Variants in ENOX1 observed in about 807,000 individuals in gnomAD.
The protein encoded by ENOX1 is candidate growth-related and time keeping constitutive hydroquinone (NADH) oxidase.
A neutral mutation model predicts 82.5 loss-of-function variants in ENOX1; 42 were observed. The ratio of observed to expected loss-of-function variants is 0.51; its 90% CI spans 0.40 to 0.66. The LOEUF (loss-of-function observed/expected upper bound fraction) is 0.66. ENOX1 is among the 30% of genes least tolerant of loss of function. The pLI is 0.00. For synonymous variants in ENOX1, 271 were observed against 282.2 expected (o/e 0.96, Z 0.40); for missense variants, 608 against 811.6 (o/e 0.75, Z 3.05).
chr13:43,454,396 C>A, intron 3 of ENOX1, among the ~76,000 whole-genome samples: 1 of 152,074 alleles, frequency 6.6e-6, no homozygotes, highest in Non-Finnish European at 1.5e-5. Context: ...GGAAAACTAG[C>A]ACTGTCCAGC....
intron 1 of ENOX1, among the ~76,000 whole-genome samples, chr13:43,690,159 G>C (rs2086279573): frequency 6.6e-6 from 1 of 151,080 alleles, no homozygotes; most frequent in South Asian, 2.1e-4. Flanking sequence ...TCTCTCTTTA[G>C]AATGTAAGGT....
At chr13:43,338,535 G>C (rs2048848755) in intron 9 of ENOX1, among the ~76,000 whole-genome samples, 1 of 152,008 alleles carries the variant, frequency 6.6e-6, no homozygotes, top group Non-Finnish European at 1.5e-5. Context: ...GCCCAGAAGG[G>C]AGGAGAAAGC....
At chr13:43,257,021 C>T (rs1033228768) in intron 14 of ENOX1, among the ~76,000 whole-genome samples, 1 of 152,112 alleles carries the variant, frequency 6.6e-6, no homozygotes, top group African/African-American at 2.4e-5. Flanking sequence ...GTGAATGAAA[C>T]TGGAGGTGAT....
chr13:43,388,577 G>A (rs1455932550), intron 5 of ENOX1, among the ~76,000 whole-genome samples: 1 of 152,188 alleles, frequency 6.6e-6, no homozygotes, highest in Non-Finnish European at 1.5e-5. Context: ...AACACCACCT[G>A]GGATGTGGAG....
intron 2 of ENOX1, among the ~76,000 whole-genome samples, chr13:43,617,656 G>C (rs562802908): frequency 5.3e-5 from 8 of 152,108 alleles, no homozygotes; most frequent in African/African-American, 1.7e-4. Context: ...CCACAATTTC[G>C]CAATTGTGAA....
intron 2 of ENOX1, among the ~76,000 whole-genome samples, chr13:43,523,722 C>T (rs4142314): frequency 0.1 from 15,583 of 152,072 alleles, 885 homozygotes; most frequent in East Asian, 0.26. Context: ...CTCTGAGGCC[C>T]CCTATGCTAG....
At chr13:43,605,627 C>T (rs9567231) in intron 2 of ENOX1, among the ~76,000 whole-genome samples, 20,066 of 152,136 alleles carry the variant, frequency 0.13, 1,848 homozygotes, top group East Asian at 0.47. Flanking sequence ...AACTAGACCC[C>T]TATTGCTCAT....
chr13:43,542,865 G>A (rs904142866), intron 2 of ENOX1, among the ~76,000 whole-genome samples: 11 of 152,122 alleles, frequency 7.2e-5, no homozygotes, highest in Admixed American at 1.3e-4. Flanking sequence ...GTGAGGGCTC[G>A]CTTCCTGGTT....
chr13:43,438,739 T>C (rs1204362533), intron 3 of ENOX1, among the ~76,000 whole-genome samples: 2 of 152,190 alleles, frequency 1.3e-5, no homozygotes, highest in Non-Finnish European at 2.9e-5. Flanking sequence ...TCAAATTGCC[T>C]GAGGAGACTT....
chr13:43,410,799 T>C (rs1396988473), intron 5 of ENOX1, among the ~76,000 whole-genome samples: 1 of 152,200 alleles, frequency 6.6e-6, no homozygotes, highest in Non-Finnish European at 1.5e-5. Context: ...GCGATTGGTT[T>C]CTATTTAATG....
intron 5 of ENOX1, among the ~76,000 whole-genome samples, chr13:43,406,811 G>A (rs1473877918): frequency 2.0e-5 from 3 of 151,988 alleles, no homozygotes; most frequent in Non-Finnish European, 2.9e-5. Flanking sequence ...TGTCTTTTTG[G>A]AACATGTGTT....
chr13:43,435,063 C>T (rs746239201), intron 3 of ENOX1, among the ~76,000 whole-genome samples: 7 of 150,614 alleles, frequency 4.6e-5, no homozygotes, highest in African/African-American at 1.5e-4. Context: ...ATACCCGGCA[C>T]GCAGAAGACG....
rs540282084 is a variant in ENOX1 at position 43,577,549 on chromosome 13, G to A, written c.-219+89930C>T. ...GAAGAACACTGTGTCCTCATGTGGC[G>A]GAAAAGACAAAAGGGCAAAAGAAAG... is the stretch of plus-strand genomic sequence containing the variant. On this transcript the variant is annotated intron_variant, in intron 2 of 16. Coordinates refer to ENST00000690772, the MANE Select transcript of ENOX1 (RefSeq NM_001347969.2). 4.5e-4 allele frequency among the ~76,000 whole-genome samples: 69 copies of A among 152,222 alleles called. 1 individual carries two copies. The Middle Eastern group carries it at 0.01, about 23-fold the overall frequency.
chr13:43,451,059 A>C (rs1319327871), intron 3 of ENOX1, among the ~76,000 whole-genome samples: 4 of 152,196 alleles, frequency 2.6e-5, no homozygotes, highest in Non-Finnish European at 4.4e-5. Flanking sequence ...TGCATTTCTC[A>C]TAAACTTCTT....
At chr13:43,738,515 T>C (rs9525833) in intron 1 of ENOX1, among the ~76,000 whole-genome samples, 14,165 of 152,158 alleles carry the variant, frequency 0.093, 1,087 homozygotes, top group African/African-American at 0.21. Flanking sequence ...CACATTTAAA[T>C]AGAAACAATG....
At chr13:43,694,718 G>C (rs1330714685) in intron 1 of ENOX1, among the ~76,000 whole-genome samples, 1 of 152,206 alleles carries the variant, frequency 6.6e-6, no homozygotes, top group Admixed American at 6.5e-5. Context: ...GGTTAAAGCA[G>C]TCACTGGCTG....
chr13:43,542,360 C>T (rs1026418074), intron 2 of ENOX1, among the ~76,000 whole-genome samples: 27 of 151,374 alleles, frequency 1.8e-4, no homozygotes, highest in African/African-American at 6.3e-4. Context: ...TCTCCATCTC[C>T]TGACCTTGTG....
intron 2 of ENOX1, among the ~76,000 whole-genome samples, chr13:43,542,431 CTTTTTTTTT>C (rs775618771): frequency 8.5e-6 from 1 of 117,914 alleles, no homozygotes; most frequent in Non-Finnish European, 1.7e-5. Flanking sequence ...TGTGCCCGGC[CTTTTTTTTT>C]TTTTTTTTTT....
chr13:43,554,146 C>G (rs2079331583), intron 2 of ENOX1, among the ~76,000 whole-genome samples: 1 of 152,132 alleles, frequency 6.6e-6, no homozygotes, highest in Non-Finnish European at 1.5e-5. Context: ...TTCCTTGTTA[C>G]TTCCAAAAAA....
Sources: gnomAD v4.1 joint callset for allele counts (sites outside exome capture counted in the v4.1 genomes callset) on GRCh38, gnomAD v4.1.1 for gene constraint, MANE v1.5 for transcripts, NCBI Gene and HGNC (gene_info 2026-07-23, HGNC 2026-07-21) for gene names.